The following RASEF variants were observed in gnomAD, a reference collection of about 807,000 sequenced individuals.
RASEF encodes ras and EF-hand domain-containing protein.
Under a neutral mutation model 90.1 loss-of-function variants are expected in RASEF, and 68 were observed. That is an observed-to-expected ratio of 0.75 (90% CI 0.62 to 0.92). The LOEUF is 0.92. Among genes scored for constraint, RASEF ranks in the 40% least tolerant of loss-of-function variants. The pLI is 0.00. For synonymous variants in RASEF, 331 were observed against 345.2 expected, an observed-to-expected ratio of 0.96 and a Z score of 0.46; for missense variants, 949 against 937.2, an observed-to-expected ratio of 1.01 and a Z score of -0.16.
At chr9:83,008,631 C>T (rs1829175522) in intron 6 of RASEF, among the ~76,000 whole-genome samples, 3 of 151,998 alleles carry the variant, frequency 2.0e-5, no homozygotes, top group African/African-American at 4.8e-5. Flanking sequence ...CTCTGAGTTG[C>T]TGATGTTGCC....
intron 6 of RASEF, 102 bp from the exon 7 acceptor site, chr9:83,007,607 T>C (rs1829158158): frequency 1.2e-6 from 1 of 839,206 alleles, no homozygotes; most frequent in Non-Finnish European, 2.0e-6. Context: ...CAAAGACGAG[T>C]GTCCTTGGCC....
At chr9:83,144,391 G>GAAAAGAAAGAAAGAAAGAAA in the RASEF span, among the ~76,000 whole-genome samples, 34 of 33,240 alleles carry the variant, frequency 1.0e-3, 4 homozygotes, top group African/African-American at 2.5e-3. Context: ...AAGAAAGAAA[G>GAAAAGAAAGAAAGAAAGAAA]GAAAGAAAGA....
chr9:83,074,625 T>C, the RASEF span, among the ~76,000 whole-genome samples: 5 of 152,216 alleles, frequency 3.3e-5, no homozygotes, highest in African/African-American at 1.2e-4. Context: ...TCAGTGTCCA[T>C]AAAGCTTTAC....
At chr9:83,034,436 T>G (rs1829703120) in intron 1 of RASEF, among the ~76,000 whole-genome samples, 1 of 152,184 alleles carries the variant, frequency 6.6e-6, no homozygotes, top group Non-Finnish European at 1.5e-5. Context: ...CTTTCTGGGT[T>G]TGTGTCATCT....
the RASEF span, among the ~76,000 whole-genome samples, chr9:83,199,756 C>T: frequency 6.6e-6 from 1 of 152,144 alleles, no homozygotes; most frequent in African/African-American, 2.4e-5. Context: ...GCTGGTGAGA[C>T]AGAGGCCAAG....
the RASEF span, among the ~76,000 whole-genome samples, chr9:83,208,907 A>G: frequency 6.6e-6 from 1 of 152,278 alleles, no homozygotes; most frequent in East Asian, 1.9e-4. Context: ...AGACCAAGGG[A>G]GTCCTACAGA....
At chr9:83,028,335 T>A (rs995531362) in intron 1 of RASEF, among the ~76,000 whole-genome samples, 1 of 152,206 alleles carries the variant, frequency 6.6e-6, no homozygotes, top group South Asian at 2.1e-4. Context: ...ATGGAGAGAT[T>A]ACTCTTCTCC....
intron 3 of RASEF, among the ~76,000 whole-genome samples, chr9:83,021,018 T>C (rs1829434641): frequency 6.6e-6 from 1 of 152,176 alleles, no homozygotes; most frequent in African/African-American, 2.4e-5. Flanking sequence ...TTAAACTTTT[T>C]ATAAGAAGAT....
chr9:83,129,068 T>C, the RASEF span, among the ~76,000 whole-genome samples: 1 of 152,226 alleles, frequency 6.6e-6, no homozygotes, highest in African/African-American at 2.4e-5. Context: ...ATTCCATTTA[T>C]CTTCTGACAT....
At chr9:83,208,079 T>C in the RASEF span, among the ~76,000 whole-genome samples, 1 of 152,186 alleles carries the variant, frequency 6.6e-6, no homozygotes, top group Non-Finnish European at 1.5e-5. Flanking sequence ...CCTTTCTCCA[T>C]CCATTGGAGC....
At chr9:83,167,872 T>C in the RASEF span, among the ~76,000 whole-genome samples, 1 of 152,176 alleles carries the variant, frequency 6.6e-6, no homozygotes, top group East Asian at 1.9e-4. Flanking sequence ...TATTCCATTA[T>C]ATGGAGTCAT....
At chr9:83,190,004 C>T in the RASEF span, among the ~76,000 whole-genome samples, 1 of 152,198 alleles carries the variant, frequency 6.6e-6, no homozygotes, top group African/African-American at 2.4e-5. Flanking sequence ...TCTCTCTAAG[C>T]TGCCCCAAAT....
the RASEF span, among the ~76,000 whole-genome samples, chr9:83,209,780 G>A: frequency 6.6e-6 from 1 of 152,270 alleles, no homozygotes; most frequent in African/African-American, 2.4e-5. Flanking sequence ...ATTTCAGGAT[G>A]AAACCATGAC....
At chr9:83,094,966 C>T in the RASEF span, among the ~76,000 whole-genome samples, 1 of 152,140 alleles carries the variant, frequency 6.6e-6, no homozygotes, top group Non-Finnish European at 1.5e-5. Context: ...CTCCCTCAGA[C>T]TGGTGAATGT....
chr9:83,140,778 C>T, the RASEF span, among the ~76,000 whole-genome samples: 7 of 151,916 alleles, frequency 4.6e-5, no homozygotes, highest in African/African-American at 1.7e-4. Context: ...CTTTTATTTT[C>T]AAAAGCATAG....
upstream of RASEF, among the ~76,000 whole-genome samples, chr9:83,064,757 A>G (rs570740375): frequency 3.9e-5 from 6 of 152,120 alleles, no homozygotes; most frequent in South Asian, 2.1e-4. Context: ...AAGCCCCTTC[A>G]TTGAAGAGTC....
intron 14 of RASEF, among the ~76,000 whole-genome samples, chr9:82,993,609 T>C (rs922034522): frequency 1.3e-5 from 2 of 152,192 alleles, no homozygotes; most frequent in African/African-American, 4.8e-5. Context: ...TGCTCTCTGG[T>C]TTACAACAAA....
At chr9:83,093,286 G>A in the RASEF span, among the ~76,000 whole-genome samples, 2,154 of 152,304 alleles carry the variant, frequency 0.014, 38 homozygotes, top group Non-Finnish European at 0.017. Context: ...CCAGTCCCTC[G>A]CCGTGTGCTC....
chr9:83,016,578 T>G (rs549407255), intron 3 of RASEF, among the ~76,000 whole-genome samples: 1 of 152,252 alleles, frequency 6.6e-6, no homozygotes, highest in South Asian at 2.1e-4. Flanking sequence ...AAATTCAGTG[T>G]ACAAATATTC....
Sources: allele counts gnomAD v4.1 joint callset (sites outside exome capture counted in the v4.1 genomes callset), GRCh38; gene constraint gnomAD v4.1.1; transcripts MANE v1.5; gene names NCBI Gene and HGNC (gene_info 2026-07-23, HGNC 2026-07-21).